The following ADGRV1 variants were observed in gnomAD, a reference collection of about 807,000 sequenced individuals.
ADGRV1 encodes adhesion G protein-coupled receptor V1.
ADGRV1 carries 359 observed loss-of-function variants against 596.2 expected under a neutral mutation model. The ratio of observed to expected loss-of-function variants is 0.60; its 90% CI spans 0.55 to 0.66. The LOEUF (loss-of-function observed/expected upper bound fraction) is 0.66, where lower values mean the gene tolerates loss of function less well. Ranked by LOEUF, ADGRV1 falls within the 30% of genes least tolerant of loss-of-function variation. The pLI, the probability that ADGRV1 is intolerant of heterozygous loss-of-function variation, is 0.00. For synonymous variants in ADGRV1, 2,681 were observed against 2,679.2 expected, an observed-to-expected ratio of 1.00 and a Z score of -0.02; for missense variants, 7,274 against 7,575.6, an observed-to-expected ratio of 0.96 and a Z score of 1.48.
intron 83 of ADGRV1, among the ~76,000 whole-genome samples, chr5:90,952,789 A>G (rs977398752): frequency 6.6e-6 from 1 of 151,902 alleles, no homozygotes; most frequent in African/African-American, 2.4e-5. Flanking sequence ...GTCTCTCTTG[A>G]TTTGCCTTGT....
intron 87 of ADGRV1, among the ~76,000 whole-genome samples, chr5:91,105,934 A>G (rs1438173819): frequency 6.6e-6 from 1 of 150,872 alleles, no homozygotes; most frequent in Non-Finnish European, 1.5e-5. Flanking sequence ...GATTCTTATT[A>G]TATTTATAAA....
intron 84 of ADGRV1, among the ~76,000 whole-genome samples, chr5:90,976,346 A>G (rs990725404): frequency 3.5e-5 from 5 of 144,646 alleles, no homozygotes; most frequent in East Asian, 2.0e-4. Context: ...ATATATATAT[A>G]TATGTATATG....
At chr5:90,621,500 A>T (rs1044611522) in intron 4 of ADGRV1, among the ~76,000 whole-genome samples, 3 of 152,202 alleles carry the variant, frequency 2.0e-5, no homozygotes, top group Admixed American at 6.5e-5. Context: ...AGAATTGTTA[A>T]TGATGAAGCA....
intron 83 of ADGRV1, among the ~76,000 whole-genome samples, chr5:90,961,002 G>A (rs16869285): frequency 0.099 from 15,018 of 152,040 alleles, 1,272 homozygotes; most frequent in East Asian, 0.24. Context: ...CTAATATTTT[G>A]CTCCATACCC....
Position 90,642,879 on chromosome 5 carries a change from C to G in ADGRV1, c.2391C>G (p.His797Gln). Residue 797 changes from histidine (H) to glutamine (Q), a missense_variant, in exon 13 of 90, where the codon CAC becomes CAG. Transcript: ENST00000405460. Reference protein sequence around the residue: ...VIKEGESVELHIIRSRGSLVK... With the variant: ...VIKEGESVELQIIRSRGSLVK... The stretch of plus-strand genomic sequence containing the variant: ...AGGAAGGAGAATCTGTAGAGCTCCA[C>G]ATCATCCGATCAAGGGGGTCCCTTG... 1 of 1,608,308 alleles carries G rather than the reference C, an allele frequency of 6.2e-7. No homozygotes were observed. The highest frequency in any genetic ancestry group is 8.5e-7 in the Non-Finnish European group (1 of 1,177,344).
At chr5:91,078,723 C>T (rs1789065327) in intron 86 of ADGRV1, among the ~76,000 whole-genome samples, 1 of 152,204 alleles carries the variant, frequency 6.6e-6, no homozygotes, top group South Asian at 2.1e-4. Flanking sequence ...GGCAAACCAG[C>T]TCTGATTCCA....
intron 83 of ADGRV1, among the ~76,000 whole-genome samples, chr5:90,961,963 A>T (rs1778071847): frequency 6.6e-6 from 1 of 152,208 alleles, no homozygotes; most frequent in African/African-American, 2.4e-5. Context: ...ATTGAGAAAC[A>T]GTGACCTAGA....
chr5:90,917,159 G>A lies in ADGRV1; in HGVS notation c.17857-48256G>A, dbSNP rs539472273. The stretch of plus-strand genomic sequence containing the variant: ...GCAATCACAATACTATCAGCAATGA[G>A]TGCTTGTTTCACCACAACTTTCCTG... On this transcript the variant is annotated intron_variant, in intron 83 of 89. Coordinates refer to ENST00000405460, the MANE Select transcript of ADGRV1 (RefSeq NM_032119.4). Among the ~76,000 whole-genome samples the A allele has an allele frequency of 4.6e-5, 7 of 152,264 alleles. No homozygotes were observed. In the East Asian group the frequency reaches 5.8e-4, roughly 13 times the overall value.
intron 87 of ADGRV1, among the ~76,000 whole-genome samples, chr5:91,109,721 C>T (rs1792202576): frequency 6.6e-6 from 1 of 152,102 alleles, no homozygotes. Context: ...CATGCAGGAA[C>T]AAATCACAGG....
chr5:90,884,745 C>G (rs1395854856), intron 83 of ADGRV1, among the ~76,000 whole-genome samples: 5 of 152,128 alleles, frequency 3.3e-5, no homozygotes, highest in African/African-American at 1.2e-4. Context: ...CAAAGCATAG[C>G]ACAATAATCG....
At chr5:90,700,084 A>G (rs769622871) in intron 34 of ADGRV1, among the ~76,000 whole-genome samples, 11 of 152,182 alleles carry the variant, frequency 7.2e-5, no homozygotes, top group Non-Finnish European at 1.2e-4. Context: ...AAACATATTA[A>G]GCCACAATAG....
At chr5:90,942,823 C>T (rs1336096612) in intron 83 of ADGRV1, among the ~76,000 whole-genome samples, 1 of 152,010 alleles carries the variant, frequency 6.6e-6, no homozygotes, top group Non-Finnish European at 1.5e-5. Context: ...TAAACTACAC[C>T]CATAACTATG....
In ADGRV1 at chr5:90,873,331, T is replaced by G. The variant is rs77526344; in HGVS notation, c.17856+9474T>G. ...GGAGCTTGGTTTCAGGCACTATGTTTTGGTTGTAAGGGCGAATGTTATTGC... is the reference window on the plus strand; with the variant it reads ...GGAGCTTGGTTTCAGGCACTATGTTGTGGTTGTAAGGGCGAATGTTATTGC... On this transcript the variant is annotated intron_variant, in intron 83 of 89. Coordinates refer to ENST00000405460, the MANE Select transcript of ADGRV1 (RefSeq NM_032119.4). Among the ~76,000 whole-genome samples the G allele has an allele frequency of 3.3e-3, 499 of 152,298 alleles. 2 individuals carry two copies. The highest frequency in any genetic ancestry group is 0.011 in the African/African-American group (478 of 41,568).
At chr5:90,569,375 ATATATATATATATTTTTTTTT>A (rs1182248203) in intron 1 of ADGRV1, among the ~76,000 whole-genome samples, 5 of 20,938 alleles carry the variant, frequency 2.4e-4, no homozygotes, top group East Asian at 1.3e-3. Context: ...ATATATATAT[ATATATATATATATTTTTTTTT>A]TTTTTTTTTT....
chr5:91,076,466 G>T (rs1424905233), intron 86 of ADGRV1, among the ~76,000 whole-genome samples: 2 of 152,068 alleles, frequency 1.3e-5, no homozygotes, highest in Admixed American at 6.6e-5. Context: ...AGAGTGCTTA[G>T]TGGATAGCAG....
chr5:91,020,676 A>T (rs1183307575), intron 85 of ADGRV1, among the ~76,000 whole-genome samples: 1 of 152,070 alleles, frequency 6.6e-6, no homozygotes, highest in African/African-American at 2.4e-5. Context: ...ACATCCATCA[A>T]GATGGCTTTA....
At chr5:91,030,064 T>C (rs925829504) in intron 85 of ADGRV1, among the ~76,000 whole-genome samples, 13 of 152,158 alleles carry the variant, frequency 8.5e-5, no homozygotes, top group African/African-American at 3.1e-4. Context: ...TTACTTGTCA[T>C]ATACTAAAAT....
Position 90,647,525 on chromosome 5 carries a change from G to A in ADGRV1, c.3050G>A (p.Gly1017Asp), listed in dbSNP as rs1767962159. The change falls in exon 17 of 90, where the codon GGT becomes GAT. Residue 1017 changes from glycine (G) to aspartate (D), a missense_variant. Coordinates refer to ENST00000405460, the MANE Select transcript of ADGRV1 (RefSeq NM_032119.4). ...AEPRVVRVQE[G>D]ETANFTVLRN... ...CCTCGTGTAGTGAGGGTTCAGGAAG[G>A]TGAGACTGCCAACTTTACAGTTCTC... 6.2e-7 allele frequency: 1 copy of A among 1,613,502 alleles called. No homozygotes were observed.
Position 90,755,055 on chromosome 5 carries a change from G to A in ADGRV1, c.11450G>A (p.Arg3817Lys). The A allele has an allele frequency of 6.2e-7, 1 of 1,612,756 alleles. No individual in the cohort carries two copies. Among genetic ancestry groups the A allele is most frequent in the Non-Finnish European group, 8.5e-7 (1 of 1,178,904 alleles). ...CTTGGGGATATTGCCATTCACTTGAGAGCTCAACCCAATTTCTTACTGCAT... is the reference window on the plus strand; with the variant it reads ...CTTGGGGATATTGCCATTCACTTGAAAGCTCAACCCAATTTCTTACTGCAT... The part of the protein sequence containing the change: ...GLLGDIAIHL[R>K]AQPNFLLHVD... Residue 3817 changes from arginine (R) to lysine (K), a missense_variant, in exon 55 of 90, where the codon AGA becomes AAA. By Grantham distance (26) the Arg-to-Lys change is conservative. Coordinates refer to ENST00000405460, the MANE Select transcript of ADGRV1 (RefSeq NM_032119.4).
Sources: gnomAD v4.1 joint callset for allele counts (sites outside exome capture counted in the v4.1 genomes callset) on GRCh38, gnomAD v4.1.1 for gene constraint, MANE v1.5 for transcripts, NCBI Gene and HGNC (gene_info 2026-07-23, HGNC 2026-07-21) for gene names.